Variants in GPR35 observed in about 807,000 individuals in gnomAD.
GPR35 encodes the protein G protein-coupled receptor 35.
For synonymous variants in GPR35, 207 were observed against 198.4 expected (o/e 1.04, Z -0.36); for missense variants, 372 against 422.5 (o/e 0.88, Z 1.05).
At chr2:240,615,047 T>A (rs2043225655) in intron 2 of GPR35, among the ~76,000 whole-genome samples, 1 of 152,104 alleles carries the variant, frequency 6.6e-6, no homozygotes, top group African/African-American at 2.4e-5. Flanking sequence ...TTTATGTGTG[T>A]GCATGTGTAT....
At chr2:240,610,267 C>T (rs1055548637) in intron 2 of GPR35, among the ~76,000 whole-genome samples, 4 of 152,062 alleles carry the variant, frequency 2.6e-5, no homozygotes, top group South Asian at 2.1e-4. Flanking sequence ...CGTGAAATGT[C>T]CCTTTTTTTA....
chr2:240,623,522 A>AAACAGGTC (rs2043332736), upstream of GPR35, among the ~76,000 whole-genome samples: 1 of 150,548 alleles, frequency 6.6e-6, no homozygotes, highest in African/African-American at 2.4e-5. Flanking sequence ...GTGAGGGTGC[A>AAACAGGTC]GCTTTGGGGA....
rs1453334316 is a variant in GPR35 at position 240,630,518 on chromosome 2, TCTG to T, written c.569_571del (p.Cys190del). Reference sequence around the variant, plus strand: ...TACCTGCCCCTGGCCGTGGTGGTCTTCTGCTCCCTGAAGGTGGTGACTGCCCTG... The same window carrying T: ...TACCTGCCCCTGGCCGTGGTGGTCTTCTCCCTGAAGGTGGTGACTGCCCTG... On this transcript the variant is annotated inframe_deletion, in exon 2 of 2. Coordinates refer to ENST00000407714, the MANE Select transcript of GPR35 (RefSeq NM_005301.5). The T allele has an allele frequency of 6.2e-7, 1 of 1,612,886 alleles. No individual in the cohort carries two copies. The highest frequency in any genetic ancestry group is 8.5e-7 in the Non-Finnish European group (1 of 1,179,956).
upstream of GPR35, among the ~76,000 whole-genome samples, chr2:240,623,903 C>T (rs1030242652): frequency 1.3e-5 from 2 of 151,722 alleles, no homozygotes; most frequent in African/African-American, 2.4e-5. Flanking sequence ...TGCCAGGCCA[C>T]GTCAGGGAGG....
chr2:240,628,699 GA>G (rs1375674531), intron 1 of GPR35: 1 of 152,260 alleles, frequency 6.6e-6, no homozygotes, highest in Non-Finnish European at 1.5e-5. Flanking sequence ...GCAGAGGGAG[GA>G]GGCAGAGGGA....
rs778659810 is a variant in GPR35, at chr2:240,630,584, C to G, written c.632C>G (p.Ala211Gly). 6.2e-7 allele frequency: 1 copy of G among 1,612,816 alleles called. No individual in the cohort carries two copies. The highest frequency in any genetic ancestry group is 8.5e-7 in the Non-Finnish European group (1 of 1,179,926). Residue 211 changes from alanine to glycine, a missense_variant, in exon 2 of 2, where the codon GCC becomes GGC. Coordinates refer to ENST00000407714, the MANE Select transcript of GPR35 (RefSeq NM_005301.5). ...CCCACCGACGTGGGGCAGGCAGAGG[C>G]CACCCGCAAGGCTGCCCGCATGGTC... The part of the protein sequence containing the change: ...RPPTDVGQAE[A>G]TRKAARMVWA...
chr2:240,630,585 C>T lies in GPR35; in HGVS notation c.633C>T (p.Ala211=), dbSNP rs1393369516. Residue 211 remains alanine (A), a synonymous_variant, in exon 2 of 2, where the codon GCC becomes GCT. Coordinates refer to ENST00000407714, the MANE Select transcript of GPR35 (RefSeq NM_005301.5). ...RPPTDVGQAE[A]TRKAARMVWA... is the part of the protein sequence containing the mutation. ...CCACCGACGTGGGGCAGGCAGAGGC[C>T]ACCCGCAAGGCTGCCCGCATGGTCT... 3.1e-6 allele frequency: 5 copies of T among 1,612,884 alleles called. No homozygotes were observed. The highest frequency in any genetic ancestry group is 3.4e-6 in the Non-Finnish European group (4 of 1,179,946).
intron 4 of GPR35, among the ~76,000 whole-genome samples, chr2:240,618,662 G>A (rs544909139): frequency 3.3e-5 from 5 of 152,258 alleles, no homozygotes; most frequent in South Asian, 4.2e-4. Context: ...ACAGAAGTCC[G>A]TCCCTATCCC....
chr2:240,625,369 G>A, upstream of GPR35: 1 of 985,524 alleles, frequency 1.0e-6, no homozygotes, highest in Non-Finnish European at 1.2e-6. Context: ...CAGGAGCAGT[G>A]GGGAACTCCT....
chr2:240,629,857 C>A, intron 1 of GPR35, 92 bp from the exon 2 acceptor site: 1 of 1,146,984 alleles, frequency 8.7e-7, no homozygotes, highest in Non-Finnish European at 1.2e-6. Context: ...CACCTCCTCC[C>A]ACATCCCTGC....
In GPR35 at chr2:240,630,771, C is replaced by T; in HGVS notation, c.819C>T (p.Ala273=). 1.2e-6 allele frequency: 2 copies of T among 1,613,598 alleles called. No homozygotes were observed. Among genetic ancestry groups the T allele is most frequent in the Non-Finnish European group, 1.7e-6 (2 of 1,180,040 alleles). ...KLSDANCCLD[A]ICYYYMAKEF... ...CAGATGCCAACTGCTGCCTGGACGC[C>T]ATCTGCTACTACTACATGGCCAAGG... The change falls in exon 2 of 2, where the codon GCC becomes GCT. Residue 273 remains alanine, a synonymous_variant. Coordinates refer to ENST00000407714, the MANE Select transcript of GPR35 (RefSeq NM_005301.5).
chr2:240,617,377 AT>A, exon 4 of GPR35: 3 of 636,776 alleles, frequency 4.7e-6, no homozygotes, highest in Non-Finnish European at 8.6e-6. Context: ...TGTGGTTTTA[AT>A]CTTCTCATTT....
At chr2:240,616,611 G>T (rs996694012) in intron 3 of GPR35, 3 of 694,642 alleles carry the variant, frequency 4.3e-6, no homozygotes, top group Non-Finnish European at 7.9e-6. Context: ...GAGGCCAGCA[G>T]CCACCAATGA....
intron 2 of GPR35, among the ~76,000 whole-genome samples, chr2:240,610,299 A>G (rs1275419768): frequency 2.0e-5 from 3 of 152,116 alleles, no homozygotes; most frequent in Non-Finnish European, 4.4e-5. Flanking sequence ...TCCCTATACT[A>G]AAGTCTACTT....
chr2:240,622,179 C>T (rs1179136371), upstream of GPR35, among the ~76,000 whole-genome samples: 2 of 152,196 alleles, frequency 1.3e-5, no homozygotes, highest in African/African-American at 4.8e-5. Flanking sequence ...CGCGTCCGGC[C>T]AAGGGTAGTT....
At position 240,631,126 on chromosome 2, in the gene GPR35, G is replaced by A. The variant is rs2043443427; in HGVS notation, c.*244G>A. The A allele has an allele frequency of 1.8e-6, 1 of 557,624 alleles. No homozygotes were observed. Among genetic ancestry groups the A allele is most frequent in the African/African-American group, 1.9e-5 (1 of 53,170 alleles). 34.5% of individuals were successfully genotyped at this position (557,624 alleles called of 1,614,324 possible). On this transcript the variant is annotated 3_prime_UTR_variant, in exon 2 of 2. Coordinates refer to ENST00000407714, the MANE Select transcript of GPR35 (RefSeq NM_005301.5). ...CCAATGTCAGAGACCCCCGGGATGGGGCCTCACACTTGCCACCCCCAGAAC... is the reference window on the plus strand; with the variant it reads ...CCAATGTCAGAGACCCCCGGGATGGAGCCTCACACTTGCCACCCCCAGAAC...
chr2:240,612,321 G>T (rs1252129000), intron 2 of GPR35, among the ~76,000 whole-genome samples: 1 of 151,666 alleles, frequency 6.6e-6, no homozygotes, highest in Non-Finnish European at 1.5e-5. Flanking sequence ...CAGCTACTCG[G>T]GAGGCCGAGG....
At chr2:240,618,664 C>T (rs2043261936) in intron 4 of GPR35, among the ~76,000 whole-genome samples, 1 of 152,230 alleles carries the variant, frequency 6.6e-6, no homozygotes, top group South Asian at 2.1e-4. Flanking sequence ...AGAAGTCCGT[C>T]CCTATCCCCA....
At position 240,625,526 on chromosome 2, in the gene GPR35, C is replaced by CG. The variant is rs1161532788; in HGVS notation, c.-42dup. Reference sequence around the variant, plus strand: ...ACAGCCACTGTGCAGGCTTTGGCAGCGGGGGTCACACACTCCACCCGGGAG... The same window carrying CG: ...ACAGCCACTGTGCAGGCTTTGGCAGCGGGGGGTCACACACTCCACCCGGGAG... On this transcript the variant is annotated 5_prime_UTR_variant, in exon 1 of 2. Coordinates refer to ENST00000407714, the MANE Select transcript of GPR35 (RefSeq NM_005301.5). 5 of 985,976 alleles carry CG rather than the reference C, an allele frequency of 5.1e-6. No homozygotes were observed. In the South Asian group the frequency reaches 1.9e-4, roughly 37 times the overall value. 61.1% of individuals were successfully genotyped at this position (985,976 alleles called of 1,614,324 possible).
Sources: gnomAD v4.1 joint callset for allele counts (sites outside exome capture counted in the v4.1 genomes callset) on GRCh38, gnomAD v4.1.1 for gene constraint, MANE v1.5 for transcripts, NCBI Gene and HGNC (gene_info 2026-07-23, HGNC 2026-07-21) for gene names.